The following FRMD4A variants were observed in gnomAD, a reference collection of about 807,000 sequenced individuals.
FRMD4A encodes FERM domain-containing protein 4A.
FRMD4A carries 29 observed loss-of-function variants against 129.1 expected under a neutral mutation model. That is an observed-to-expected ratio of 0.22 (90% CI 0.17 to 0.31). The LOEUF (loss-of-function observed/expected upper bound fraction) is 0.31. Among genes scored for constraint, FRMD4A ranks in the 10% least tolerant of loss-of-function variants. The probability of loss-of-function intolerance (pLI) is 1.00; values close to 1 mark genes in which losing one functional copy is unlikely to be tolerated. For synonymous variants in FRMD4A, 634 were observed against 571.6 expected (o/e 1.11, Z -1.56); for missense variants, 1,272 against 1,375.8 (o/e 0.92, Z 1.19).
At chr10:13,845,945 A>C (rs1417573100) in intron 3 of FRMD4A, among the ~76,000 whole-genome samples, 1 of 152,206 alleles carries the variant, frequency 6.6e-6, no homozygotes, top group African/African-American at 2.4e-5. Flanking sequence ...CTCTGCATTC[A>C]GGTGGCCTGG....
chr10:13,962,642 TCTC>T (rs749429191), intron 2 of FRMD4A, among the ~76,000 whole-genome samples: 17 of 152,308 alleles, frequency 1.1e-4, no homozygotes, highest in Non-Finnish European at 2.2e-4. Flanking sequence ...CCCTGGCTGT[TCTC>T]CTTCCAGTGG....
intron 2 of FRMD4A, among the ~76,000 whole-genome samples, chr10:14,275,039 AC>A (rs1845290564): frequency 6.6e-6 from 1 of 152,192 alleles, no homozygotes; most frequent in South Asian, 2.1e-4. Flanking sequence ...CCTGTTTGCA[AC>A]AGTCTCTGGT....
intron 2 of FRMD4A, among the ~76,000 whole-genome samples, chr10:13,956,436 G>T (rs1441315567): frequency 6.6e-6 from 1 of 152,230 alleles, no homozygotes; most frequent in Admixed American, 6.5e-5. Flanking sequence ...ACAGGCATGA[G>T]CCACTATGTC....
At chr10:14,265,402 A>T (rs184207639) in intron 2 of FRMD4A, among the ~76,000 whole-genome samples, 5 of 152,230 alleles carry the variant, frequency 3.3e-5, no homozygotes, top group Admixed American at 3.3e-4. Context: ...TTGTTTTGTA[A>T]CCTGAAAGTT....
chr10:14,268,088 C>G (rs1255137872), intron 2 of FRMD4A, among the ~76,000 whole-genome samples: 1 of 152,032 alleles, frequency 6.6e-6, no homozygotes, highest in Non-Finnish European at 1.5e-5. Flanking sequence ...GGAACATGAT[C>G]AAAAGAGTGT....
intron 2 of FRMD4A, among the ~76,000 whole-genome samples, chr10:14,170,691 A>C (rs1841429193): frequency 2.0e-5 from 3 of 151,986 alleles, no homozygotes; most frequent in African/African-American, 7.3e-5. Flanking sequence ...ATTTCCATCC[A>C]CTCTCTATTT....
chr10:13,675,190 C>CT (rs2083871884), intron 15 of FRMD4A, 146 bp from the exon 16 acceptor site: 1 of 614,436 alleles, frequency 1.6e-6, no homozygotes. Context: ...GCTCAGCACT[C>CT]TAACTGTGAG....
chr10:14,311,246 A>T (rs568699163), intron 2 of FRMD4A, among the ~76,000 whole-genome samples: 28 of 152,258 alleles, frequency 1.8e-4, no homozygotes, highest in African/African-American at 6.5e-4. Flanking sequence ...GCAGTCCCTA[A>T]TTGAAGAAGA....
intron 2 of FRMD4A, among the ~76,000 whole-genome samples, chr10:14,285,967 C>T (rs563308543): frequency 6.6e-6 from 1 of 152,232 alleles, no homozygotes; most frequent in East Asian, 1.9e-4. Context: ...GATGGCGGAT[C>T]CAAAAAAATG....
intron 2 of FRMD4A, among the ~76,000 whole-genome samples, chr10:13,860,232 G>A (rs1457294584): frequency 6.6e-6 from 1 of 152,150 alleles, no homozygotes; most frequent in African/African-American, 2.4e-5. Context: ...ATACAGACAC[G>A]ATAGACAAAC....
intron 2 of FRMD4A, among the ~76,000 whole-genome samples, chr10:14,021,428 A>T (rs370384019): frequency 6.6e-6 from 1 of 152,134 alleles, no homozygotes; most frequent in African/African-American, 2.4e-5. Flanking sequence ...ATGGTGGCTT[A>T]TACCTGTAGT....
At chr10:13,785,942 C>T (rs10737083) in intron 5 of FRMD4A, among the ~76,000 whole-genome samples, 47,128 of 152,060 alleles carry the variant, frequency 0.31, 7,500 homozygotes, top group East Asian at 0.41. Context: ...CCCTACAAAG[C>T]ACATGAACTC....
At chr10:13,812,137 T>C (rs2093460004) in intron 3 of FRMD4A, among the ~76,000 whole-genome samples, 1 of 152,196 alleles carries the variant, frequency 6.6e-6, no homozygotes, top group African/African-American at 2.4e-5. Context: ...TGCCTCGGCC[T>C]CCCAGTGTTG....
chr10:14,253,470 T>C (rs184044415), intron 2 of FRMD4A, among the ~76,000 whole-genome samples: 5 of 152,376 alleles, frequency 3.3e-5, no homozygotes, highest in African/African-American at 1.2e-4. Context: ...CAACTTTTTT[T>C]TGAAAACCAC....
At chr10:14,239,652 C>CAAACA (rs1554792165) in intron 2 of FRMD4A, among the ~76,000 whole-genome samples, 1 of 149,890 alleles carries the variant, frequency 6.7e-6, no homozygotes, top group Admixed American at 6.6e-5. Context: ...AACAAACAAA[C>CAAACA]AAAAAAAAAC....
chr10:14,046,698 G>A lies in FRMD4A; in HGVS notation c.46-187786C>T, dbSNP rs75824247. Among the ~76,000 whole-genome samples, 410 of 152,258 alleles carry A rather than the reference G, an allele frequency of 2.7e-3. 4 individuals are homozygous for A. Among genetic ancestry groups the A allele is most frequent in the African/African-American group, 9.3e-3 (387 of 41,552 alleles). On this transcript the variant is annotated intron_variant, in intron 2 of 24. Transcript: ENST00000357447. ...TGTTCAGAATGATGATCAAACCCCT[G>A]ACGTGATGGTGCTCACGGCTGTAAT...
rs564066276 is a variant in FRMD4A, at chr10:14,014,152, C to T, written c.46-155240G>A. 1.9e-3 allele frequency among the ~76,000 whole-genome samples: 287 copies of T among 152,172 alleles called. 3 individuals are homozygous for T. Among genetic ancestry groups the T allele is most frequent in the African/African-American group, 5.7e-3 (236 of 41,520 alleles). On this transcript the variant is annotated intron_variant, in intron 2 of 24. Coordinates refer to ENST00000357447, the MANE Select transcript of FRMD4A (RefSeq NM_018027.5). ...CCACTGCAGCCATCACCCGAACCTG[C>T]CCCCAGCTGGGGGATGGGAGAAACC... is the stretch of plus-strand genomic sequence containing the variant.
At chr10:13,935,452 A>G (rs1401914394) in intron 2 of FRMD4A, among the ~76,000 whole-genome samples, 1 of 147,102 alleles carries the variant, frequency 6.8e-6, no homozygotes, top group African/African-American at 2.5e-5. Context: ...ATCTCAAAAA[A>G]AAAAAAAAAA....
chr10:13,713,827 T>TACATATATAATATAC (rs2088308964), intron 12 of FRMD4A, among the ~76,000 whole-genome samples: 2 of 48,370 alleles, frequency 4.1e-5, no homozygotes, highest in African/African-American at 1.1e-4. Context: ...ATAATATATA[T>TACATATATAATATAC]ACATATATGT....
Sources: gnomAD v4.1 joint callset for allele counts (sites outside exome capture counted in the v4.1 genomes callset) on GRCh38, gnomAD v4.1.1 for gene constraint, MANE v1.5 for transcripts, NCBI Gene and HGNC (gene_info 2026-07-23, HGNC 2026-07-21) for gene names.